The following ULK4 variants were observed in gnomAD, a reference collection of about 807,000 sequenced individuals.
ULK4 encodes the protein inactive serine/threonine-protein kinase ULK4.
Under a neutral mutation model 160.6 loss-of-function variants are expected in ULK4, and 133 were observed. The observed-to-expected ratio is 0.83, with a 90% CI of 0.72 to 0.96. The LOEUF (loss-of-function observed/expected upper bound fraction) is 0.96. Among genes scored for constraint, ULK4 ranks in the 40% least tolerant of loss-of-function variants. The pLI is 0.00. For missense variants in ULK4, 1,580 were observed against 1,499.5 expected, an observed-to-expected ratio of 1.05 and a Z score of -0.89; for synonymous variants, 534 against 539.8, an observed-to-expected ratio of 0.99 and a Z score of 0.15.
chr3:41,859,281 T>C (rs2042441884), intron 17 of ULK4: 1 of 553,802 alleles, frequency 1.8e-6, no homozygotes, highest in Admixed American at 2.2e-5. Context: ...TTGGAGGTGA[T>C]TTTGCATCTA....
chr3:41,554,023 C>T (rs1249900501), intron 32 of ULK4, among the ~76,000 whole-genome samples: 1 of 152,102 alleles, frequency 6.6e-6, no homozygotes, highest in Non-Finnish European at 1.5e-5. Context: ...TTTATTCTAT[C>T]TATCTCCATA....
At chr3:41,870,535 TAA>T (rs1042279329) in intron 17 of ULK4, among the ~76,000 whole-genome samples, 43 of 152,356 alleles carry the variant, frequency 2.8e-4, no homozygotes, top group African/African-American at 1.0e-3. Flanking sequence ...GAAATAATTA[TAA>T]ACTCACAGGG....
At chr3:41,948,260 G>A (rs1038598495) in intron 2 of ULK4, among the ~76,000 whole-genome samples, 2 of 152,114 alleles carry the variant, frequency 1.3e-5, no homozygotes, top group Admixed American at 6.5e-5. Context: ...AGGGCAGCCT[G>A]GCCAACATGG....
chr3:41,447,919 G>C (rs1392437784), intron 34 of ULK4, among the ~76,000 whole-genome samples: 1 of 152,116 alleles, frequency 6.6e-6, no homozygotes, highest in Non-Finnish European at 1.5e-5. Context: ...CAAGCGAGCC[G>C]AGCCAGTGAG....
intron 34 of ULK4, among the ~76,000 whole-genome samples, chr3:41,446,997 T>C (rs1003074547): frequency 4.1e-5 from 6 of 146,988 alleles, no homozygotes; most frequent in African/African-American, 1.0e-4. Flanking sequence ...GGCAGGAGAA[T>C]TGCTTGAACC....
At chr3:41,775,751 A>T (rs1259141739) in intron 21 of ULK4, among the ~76,000 whole-genome samples, 3 of 150,616 alleles carry the variant, frequency 2.0e-5, no homozygotes, top group African/African-American at 5.0e-5. Context: ...GAAATGAACT[A>T]CTCACATACG....
At chr3:41,273,471 G>T (rs1398338445) in intron 35 of ULK4, among the ~76,000 whole-genome samples, 1 of 152,122 alleles carries the variant, frequency 6.6e-6, no homozygotes, top group Non-Finnish European at 1.5e-5. Context: ...CAGTACTGCT[G>T]AAATACTCAA....
intron 35 of ULK4, among the ~76,000 whole-genome samples, chr3:41,270,656 T>C (rs1224616491): frequency 6.6e-6 from 1 of 152,204 alleles, no homozygotes; most frequent in African/African-American, 2.4e-5. Flanking sequence ...CCAGGTACTG[T>C]TCTGAAAACT....
intron 35 of ULK4, among the ~76,000 whole-genome samples, chr3:41,340,689 A>G (rs2080663333): frequency 6.6e-6 from 1 of 152,230 alleles, no homozygotes; most frequent in South Asian, 2.1e-4. Context: ...CAGGACAGAT[A>G]TGAACATTTT....
chr3:41,359,512 G>C (rs540349938), intron 35 of ULK4, among the ~76,000 whole-genome samples: 1 of 152,306 alleles, frequency 6.6e-6, no homozygotes, highest in East Asian at 1.9e-4. Flanking sequence ...CCAAGGGAGA[G>C]AGTGTTCCTG....
chr3:41,536,575 C>T (rs1398831457), intron 32 of ULK4, among the ~76,000 whole-genome samples: 1 of 151,984 alleles, frequency 6.6e-6, no homozygotes, highest in Non-Finnish European at 1.5e-5. Flanking sequence ...TGATTTTGCA[C>T]GTATTATGTA....
At chr3:41,370,717 C>G (rs1243431361) in intron 35 of ULK4, among the ~76,000 whole-genome samples, 2 of 152,212 alleles carry the variant, frequency 1.3e-5, no homozygotes, top group Non-Finnish European at 2.9e-5. Context: ...GGGTTTCATG[C>G]ACAAAACTGG....
At position 41,649,133 on chromosome 3, in the gene ULK4, C is replaced by CA. The variant is rs878915176; in HGVS notation, c.3071+14473dup. Among the ~76,000 whole-genome samples the CA allele has an allele frequency of 1.1e-3, 146 of 132,420 alleles. 4 individuals carry two copies. The South Asian group carries it at 0.015, about 13-fold the overall frequency. The allele number at this position is 132,420 out of a possible 152,430, so 86.9% of individuals were successfully genotyped here. On this transcript the variant is annotated intron_variant, in intron 30 of 36. Coordinates refer to ENST00000301831, the MANE Select transcript of ULK4 (RefSeq NM_017886.4). Reference sequence around the variant, plus strand: ...ACAGAGTGAGACCCTGTATCCAAAACAAAAAAAAAAAAGCCAGAAGAAAAT... The same window carrying CA: ...ACAGAGTGAGACCCTGTATCCAAAACAAAAAAAAAAAAAGCCAGAAGAAAAT...
chr3:41,706,849 A>ATGTGTGTGTGTGTGTGTGTGTGTG (rs749756575), intron 25 of ULK4, among the ~76,000 whole-genome samples: 5 of 102,374 alleles, frequency 4.9e-5, no homozygotes, highest in African/African-American at 2.5e-4. Context: ...AAAAAAAAAT[A>ATGTGTGTGTGTGTGTGTGTGTGTG]TGTGTGTGTG....
intron 32 of ULK4, among the ~76,000 whole-genome samples, chr3:41,506,767 A>AAAAAAAAAAAAAAAAAAAAATAAAT: frequency 3.2e-4 from 18 of 56,792 alleles, no homozygotes; most frequent in South Asian, 6.5e-4. Flanking sequence ...TGTGATTTAA[A>AAAAAAAAAAAAAAAAAAAAATAAAT]ATATATATAT....
intron 32 of ULK4, among the ~76,000 whole-genome samples, chr3:41,496,216 A>G (rs1185130013): frequency 2.0e-5 from 3 of 152,168 alleles, no homozygotes; most frequent in Non-Finnish European, 2.9e-5. Flanking sequence ...AAATAAATGA[A>G]TAAATGCTCA....
At chr3:41,410,765 C>T (rs2082394652) in intron 34 of ULK4, among the ~76,000 whole-genome samples, 1 of 152,104 alleles carries the variant, frequency 6.6e-6, no homozygotes, top group Non-Finnish European at 1.5e-5. Context: ...CAACATTGTC[C>T]TGATACCCAA....
chr3:41,958,180 T>C (rs941686270), intron 1 of ULK4, among the ~76,000 whole-genome samples: 1 of 152,196 alleles, frequency 6.6e-6, no homozygotes, highest in Non-Finnish European at 1.5e-5. Context: ...AGCAGCATTA[T>C]TCACAATAGT....
At chr3:41,618,621 G>A (rs765296800) in intron 30 of ULK4, among the ~76,000 whole-genome samples, 1 of 152,180 alleles carries the variant, frequency 6.6e-6, no homozygotes, top group African/African-American at 2.4e-5. Context: ...GCTCCTGAAG[G>A]AAGCACTAAA....
Sources: gnomAD v4.1 joint callset for allele counts (sites outside exome capture counted in the v4.1 genomes callset) on GRCh38, gnomAD v4.1.1 for gene constraint, MANE v1.5 for transcripts, NCBI Gene and HGNC (gene_info 2026-07-23, HGNC 2026-07-21) for gene names.